Variants in ATRNL1 observed in about 807,000 individuals in gnomAD.
ATRNL1 encodes attractin-like protein 1.
In ATRNL1, 95 loss-of-function variants were observed where a neutral mutation model predicts 182.7. The ratio of observed to expected loss-of-function variants is 0.52; its 90% CI spans 0.44 to 0.62. The LOEUF is 0.62. Ranked by LOEUF, ATRNL1 falls within the 20% of genes least tolerant of loss-of-function variation. The probability of loss-of-function intolerance (pLI) is 0.00; values close to 1 mark genes in which losing one functional copy is unlikely to be tolerated. For synonymous variants in ATRNL1, 576 were observed against 568.3 expected, an observed-to-expected ratio of 1.01 and a Z score of -0.19; for missense variants, 1,471 against 1,679.5, an observed-to-expected ratio of 0.88 and a Z score of 2.17.
At chr10:115,442,036 C>A (rs1432741303) in intron 21 of ATRNL1, among the ~76,000 whole-genome samples, 1 of 151,912 alleles carries the variant, frequency 6.6e-6, no homozygotes, top group Non-Finnish European at 1.5e-5. Context: ...TGTAGTTTTC[C>A]CATTTTCAGT....
chr10:115,149,876 C>CTTTTTTTTTTTT (rs57382865), intron 5 of ATRNL1, among the ~76,000 whole-genome samples: 5 of 123,278 alleles, frequency 4.1e-5, no homozygotes, highest in Non-Finnish European at 8.8e-5. Context: ...TCTCCTTTTC[C>CTTTTTTTTTTTT]TTTTTTTTTT....
intron 27 of ATRNL1, among the ~76,000 whole-genome samples, chr10:115,742,514 A>G (rs1388381531): frequency 1.3e-5 from 2 of 152,186 alleles, no homozygotes; most frequent in Non-Finnish European, 2.9e-5. Flanking sequence ...TAAGAATAGT[A>G]AGAGATGTAG....
At chr10:115,635,767 G>A (rs1858830435) in intron 26 of ATRNL1, among the ~76,000 whole-genome samples, 1 of 152,034 alleles carries the variant, frequency 6.6e-6, no homozygotes. Context: ...AAAAACAAAA[G>A]ATAGTAATGG....
chr10:115,590,570 C>CTA (rs1477916170), intron 26 of ATRNL1, among the ~76,000 whole-genome samples: 8 of 152,190 alleles, frequency 5.3e-5, no homozygotes, highest in African/African-American at 1.9e-4. Flanking sequence ...ATAAAATCTA[C>CTA]TACAGTCTAT....
intron 24 of ATRNL1, among the ~76,000 whole-genome samples, chr10:115,512,587 C>T (rs1439712890): frequency 7.3e-5 from 11 of 151,372 alleles, no homozygotes; most frequent in Non-Finnish European, 1.6e-4. Flanking sequence ...TTATTGAGTG[C>T]TTTCTATATA....
At chr10:115,095,241 G>A (rs541854861) in intron 1 of ATRNL1, among the ~76,000 whole-genome samples, 200 of 152,108 alleles carry the variant, frequency 1.3e-3, no homozygotes, top group African/African-American at 4.7e-3. Context: ...GATATTGTTA[G>A]GCTGATAGCC....
At chr10:115,603,636 A>T (rs1344133643) in intron 26 of ATRNL1, among the ~76,000 whole-genome samples, 5 of 152,198 alleles carry the variant, frequency 3.3e-5, no homozygotes, top group Non-Finnish European at 7.3e-5. Flanking sequence ...CATACATTTA[A>T]CTTATACATA....
chr10:115,179,657 A>T (rs1333923452), intron 8 of ATRNL1, among the ~76,000 whole-genome samples: 1 of 152,116 alleles, frequency 6.6e-6, no homozygotes, highest in African/African-American at 2.4e-5. Flanking sequence ...GACCAAAATG[A>T]TCCTTCATAT....
At chr10:115,766,104 T>A (rs2907591) in intron 27 of ATRNL1, among the ~76,000 whole-genome samples, 133,296 of 152,136 alleles carry the variant, frequency 0.88, 60,910 homozygotes, top group East Asian at 1. Flanking sequence ...AGATTTTTTT[T>A]AATTTGTTTC....
At chr10:115,940,000 G>A (rs782113430) in intron 28 of ATRNL1, among the ~76,000 whole-genome samples, 3 of 152,138 alleles carry the variant, frequency 2.0e-5, no homozygotes, top group Non-Finnish European at 2.9e-5. Flanking sequence ...TGTTGCCAGC[G>A]TGAAAATAAA....
chr10:115,540,144 A>AT (rs1852268547), intron 25 of ATRNL1, among the ~76,000 whole-genome samples: 1 of 151,144 alleles, frequency 6.6e-6, no homozygotes, highest in African/African-American at 2.4e-5. Flanking sequence ...TAAATAAATA[A>AT]ATAAATAAAT....
chr10:115,265,071 T>G (rs1851549879), intron 10 of ATRNL1, 122 bp from the exon 11 acceptor site: 1 of 380,762 alleles, frequency 2.6e-6, no homozygotes. Flanking sequence ...TTAATGAGAA[T>G]TTTTTTTTTG....
At chr10:115,681,439 T>C (rs935673797) in intron 26 of ATRNL1, among the ~76,000 whole-genome samples, 14 of 152,122 alleles carry the variant, frequency 9.2e-5, no homozygotes, top group African/African-American at 3.1e-4. Context: ...ATGTCAAAAC[T>C]GATAGCAGTA....
At chr10:115,841,382 T>C (rs918721162) in intron 27 of ATRNL1, among the ~76,000 whole-genome samples, 1 of 152,110 alleles carries the variant, frequency 6.6e-6, no homozygotes, top group Non-Finnish European at 1.5e-5. Flanking sequence ...TGGGTACATA[T>C]GAGTGTGTGT....
chr10:115,801,015 A>C (rs1358806866), intron 27 of ATRNL1, among the ~76,000 whole-genome samples: 1 of 152,240 alleles, frequency 6.6e-6, no homozygotes, highest in East Asian at 1.9e-4. Context: ...ACAGGTTCAC[A>C]TCCCCATCTT....
At chr10:115,283,514 G>A (rs997207813) in intron 14 of ATRNL1, among the ~76,000 whole-genome samples, 11 of 152,240 alleles carry the variant, frequency 7.2e-5, no homozygotes, top group Middle Eastern at 6.8e-3. Context: ...TAAACAGTGC[G>A]ATGTGCATGT....
At chr10:115,475,589 C>T (rs570420977) in intron 24 of ATRNL1, among the ~76,000 whole-genome samples, 24 of 151,422 alleles carry the variant, frequency 1.6e-4, no homozygotes, top group Non-Finnish European at 2.5e-4. Context: ...GTTATTCATT[C>T]CTCTGAGCTT....
intron 22 of ATRNL1, among the ~76,000 whole-genome samples, chr10:115,462,390 G>A (rs1847850537): frequency 1.3e-5 from 2 of 152,130 alleles, no homozygotes; most frequent in Non-Finnish European, 2.9e-5. Flanking sequence ...AAGGCGGGCA[G>A]ATCATGATGC....
chr10:115,495,809 G>A (rs950601586), intron 24 of ATRNL1, among the ~76,000 whole-genome samples: 4 of 151,952 alleles, frequency 2.6e-5, no homozygotes, highest in African/African-American at 7.3e-5. Flanking sequence ...GTTTTTGAGT[G>A]GAGAGTTCTG....
Sources: gnomAD v4.1 joint callset for allele counts (sites outside exome capture counted in the v4.1 genomes callset) on GRCh38, gnomAD v4.1.1 for gene constraint, MANE v1.5 for transcripts, NCBI Gene and HGNC (gene_info 2026-07-23, HGNC 2026-07-21) for gene names.